MAN1C1: variants seen among roughly 807,000 people sequenced by gnomAD.
The protein encoded by MAN1C1 is mannosidase alpha class 1C member 1, also known as mannosyl-oligosaccharide 1,2-alpha-mannosidase IC.
A neutral mutation model predicts 71.5 loss-of-function variants in MAN1C1; 49 were observed. That is an observed-to-expected ratio of 0.69 (90% CI 0.54 to 0.87). The LOEUF (loss-of-function observed/expected upper bound fraction) is 0.87. MAN1C1 is among the 40% of genes least tolerant of loss of function. The probability of loss-of-function intolerance (pLI) is 0.00; values close to 1 mark genes in which losing one functional copy is unlikely to be tolerated. For missense variants in MAN1C1, 743 were observed against 835.0 expected (o/e 0.89, Z 1.36); for synonymous variants, 352 against 343.7 (o/e 1.02, Z -0.27).
intron 3 of MAN1C1, 87 bp from the exon 4 acceptor site, chr1:25,749,167 AG>A: frequency 9.4e-7 from 1 of 1,060,444 alleles, no homozygotes; most frequent in African/African-American, 1.6e-5. Flanking sequence ...CAGGTATGGG[AG>A]GAATATCAGT....
intron 2 of MAN1C1, among the ~76,000 whole-genome samples, chr1:25,688,096 A>AT (rs1211589721): frequency 6.6e-6 from 1 of 152,010 alleles, no homozygotes. Flanking sequence ...GATTGTTTCC[A>AT]TTTTTTTGCT....
intron 2 of MAN1C1, among the ~76,000 whole-genome samples, chr1:25,734,003 G>A (rs2046946288): frequency 6.6e-6 from 1 of 152,016 alleles, no homozygotes. Flanking sequence ...GTTTCACCGT[G>A]TTAGCCAGGA....
At chr1:25,724,483 G>A (rs1005489354) in intron 2 of MAN1C1, among the ~76,000 whole-genome samples, 3 of 151,144 alleles carry the variant, frequency 2.0e-5, no homozygotes, top group Non-Finnish European at 3.0e-5. Context: ...CCATGGAGGT[G>A]GCAAAAGGAC....
At chr1:25,688,638 G>T (rs1420891597) in intron 2 of MAN1C1, among the ~76,000 whole-genome samples, 1 of 152,150 alleles carries the variant, frequency 6.6e-6, no homozygotes, top group Non-Finnish European at 1.5e-5. Flanking sequence ...CGTCTGGAAT[G>T]GTGGAAAGAA....
At chr1:25,780,307 T>TGAC (rs2047675665) in intron 9 of MAN1C1, among the ~76,000 whole-genome samples, 1 of 152,144 alleles carries the variant, frequency 6.6e-6, no homozygotes, top group Admixed American at 6.5e-5. Flanking sequence ...ACAGTGACAA[T>TGAC]GACAGAACCC....
chr1:25,748,594 C>G (rs1270310806), intron 3 of MAN1C1, among the ~76,000 whole-genome samples: 1 of 152,218 alleles, frequency 6.6e-6, no homozygotes, highest in African/African-American at 2.4e-5. Context: ...AAAGCCAGGT[C>G]AGTGGCTCAG....
chr1:25,627,251 TTTCTCTTCTCTTCTC>T (rs140616480), intron 1 of MAN1C1, among the ~76,000 whole-genome samples: 4 of 151,512 alleles, frequency 2.6e-5, no homozygotes, highest in Admixed American at 2.0e-4. Flanking sequence ...ATTCCATTCT[TTTCTCTTCTCTTCTC>T]TTCTCTTCTC....
intron 7 of MAN1C1, among the ~76,000 whole-genome samples, chr1:25,768,122 C>T (rs2047475303): frequency 8.9e-6 from 1 of 112,072 alleles, no homozygotes; most frequent in Admixed American, 8.8e-5. Context: ...ATCCACGCTC[C>T]CTTAACACAC....
chr1:25,781,818 G>T (rs2124419514), intron 10 of MAN1C1, among the ~76,000 whole-genome samples: 1 of 152,254 alleles, frequency 6.6e-6, no homozygotes, highest in African/African-American at 2.4e-5. Flanking sequence ...GCCTTCAAAG[G>T]CCAAGCGTCT....
chr1:25,783,535 G>A (rs2047725751), intron 11 of MAN1C1, 128 bp from the exon 12 acceptor site: 6 of 1,026,302 alleles, frequency 5.8e-6, no homozygotes, highest in African/African-American at 1.6e-5. Flanking sequence ...ACAGTTTTGG[G>A]GTTGCAAGGC....
At chr1:25,712,651 A>T (rs1468847976) in intron 2 of MAN1C1, among the ~76,000 whole-genome samples, 1 of 152,204 alleles carries the variant, frequency 6.6e-6, no homozygotes, top group Non-Finnish European at 1.5e-5. Context: ...CATGGAGGAC[A>T]GCCATTCAAA....
At chr1:25,656,823 T>C (rs2045774413) in intron 1 of MAN1C1, among the ~76,000 whole-genome samples, 3 of 147,092 alleles carry the variant, frequency 2.0e-5, no homozygotes, top group Non-Finnish European at 4.5e-5. Context: ...AGACCAACCT[T>C]GCGTCTTTTT....
chr1:25,755,456 C>T (rs1396748891), intron 5 of MAN1C1, among the ~76,000 whole-genome samples: 1 of 152,236 alleles, frequency 6.6e-6, no homozygotes, highest in Non-Finnish European at 1.5e-5. Context: ...TACATGGGCA[C>T]ACACATTCAC....
intron 3 of MAN1C1, among the ~76,000 whole-genome samples, chr1:25,747,772 T>C (rs1392635065): frequency 6.6e-6 from 1 of 152,176 alleles, no homozygotes; most frequent in African/African-American, 2.4e-5. Context: ...TGACCCTCCC[T>C]GAGCCTTAGA....
chr1:25,698,052 G>A (rs1011320188), intron 2 of MAN1C1, among the ~76,000 whole-genome samples: 1 of 152,144 alleles, frequency 6.6e-6, no homozygotes, highest in Non-Finnish European at 1.5e-5. Flanking sequence ...CTTCACTTAC[G>A]GGTGATTTGG....
intron 10 of MAN1C1, among the ~76,000 whole-genome samples, chr1:25,781,584 G>A (rs1162191414): frequency 3.3e-5 from 5 of 152,030 alleles, no homozygotes; most frequent in East Asian, 1.9e-4. Flanking sequence ...CTCAGCCTCC[G>A]GCCCCACACC....
Position 25,749,354 on chromosome 1 carries a change from AC to A in MAN1C1, c.834+23del, listed in dbSNP as rs1287883834. 3.8e-6 allele frequency: 6 copies of A among 1,586,836 alleles called. No individual in the cohort carries two copies. Among genetic ancestry groups the A allele is most frequent in the South Asian group, 1.1e-5 (1 of 88,698 alleles). ...AGAAGAGGTGGGTTGGCCTTTCATGACCCCTGAACTGTCCAGGCTGGAAAGG... is the reference window on the plus strand; with the variant it reads ...AGAAGAGGTGGGTTGGCCTTTCATGACCCTGAACTGTCCAGGCTGGAAAGG... On this transcript the variant is annotated intron_variant, in intron 4 of 11. Coordinates refer to ENST00000374332, the MANE Select transcript of MAN1C1 (RefSeq NM_020379.4).
intron 2 of MAN1C1, among the ~76,000 whole-genome samples, chr1:25,740,246 G>A (rs1008631338): frequency 1.1e-4 from 17 of 152,140 alleles, no homozygotes; most frequent in African/African-American, 2.2e-4. Context: ...TTTGGAGGCC[G>A]AAGTGGAGGC....
At chr1:25,742,821 T>C (rs954901561) in intron 2 of MAN1C1, among the ~76,000 whole-genome samples, 9 of 152,206 alleles carry the variant, frequency 5.9e-5, no homozygotes, top group African/African-American at 2.2e-4. Flanking sequence ...GAGGTTGCCT[T>C]GCAAAGGCTT....
Sources: gnomAD v4.1 joint callset for allele counts (sites outside exome capture counted in the v4.1 genomes callset) on GRCh38, gnomAD v4.1.1 for gene constraint, MANE v1.5 for transcripts, NCBI Gene and HGNC (gene_info 2026-07-23, HGNC 2026-07-21) for gene names.